USP37: variants seen among roughly 807,000 people sequenced by gnomAD.
USP37 encodes the protein ubiquitin specific peptidase 37, also known as ubiquitin carboxyl-terminal hydrolase 37.
Under a neutral mutation model 124.0 loss-of-function variants are expected in USP37, and 27 were observed. The observed-to-expected ratio is 0.22, with a 90% confidence interval of 0.16 to 0.30. The LOEUF is 0.30. Among genes scored for constraint, USP37 ranks in the 10% least tolerant of loss-of-function variants. The pLI, the probability that USP37 is intolerant of heterozygous loss-of-function variation, is 1.00. For synonymous variants in USP37, 365 were observed against 388.0 expected (o/e 0.94, Z 0.70); for missense variants, 889 against 1,140.4 (o/e 0.78, Z 3.17).
intron 10 of USP37, among the ~76,000 whole-genome samples, chr2:218,522,901 G>A (rs931366655): frequency 6.6e-6 from 1 of 152,184 alleles, no homozygotes; most frequent in African/African-American, 2.4e-5. Flanking sequence ...CACTTTGGGA[G>A]GTCAAGGCGG....
At chr2:218,458,268 A>AC (rs1199180402) in intron 23 of USP37, among the ~76,000 whole-genome samples, 2 of 149,666 alleles carry the variant, frequency 1.3e-5, no homozygotes, top group African/African-American at 4.9e-5. Context: ...AAAAAAAAAA[A>AC]AAAAAAAACA....
At chr2:218,568,123 G>A (rs1304347328) in intron 1 of USP37, 55 bp downstream of exon 1, 1 of 152,500 alleles carries the variant, frequency 6.6e-6, no homozygotes, top group Non-Finnish European at 1.5e-5. Context: ...TCGCACAGAA[G>A]GAGGAGGAGG....
At chr2:218,455,764 G>A (rs779476310) in intron 24 of USP37, 46 bp from the exon 25 acceptor site, 16 of 1,592,062 alleles carry the variant, frequency 1.0e-5, no homozygotes, top group Middle Eastern at 1.7e-4. Flanking sequence ...AAAACACACC[G>A]AAGCTGGGCG....
At chr2:218,478,420 A>C (rs1691087050) in intron 18 of USP37, among the ~76,000 whole-genome samples, 1 of 152,210 alleles carries the variant, frequency 6.6e-6, no homozygotes, top group Admixed American at 6.5e-5. Context: ...CCTGGCTACC[A>C]TTGCACCAGG....
chr2:218,526,287 A>C (rs1690959593), intron 10 of USP37, among the ~76,000 whole-genome samples: 1 of 151,976 alleles, frequency 6.6e-6, no homozygotes, highest in Non-Finnish European at 1.5e-5. Context: ...GTTAGAGTGC[A>C]GTGGTGCAAT....
intron 16 of USP37, 144 bp from the exon 17 acceptor site, chr2:218,482,378 C>T (rs1283421465): frequency 1.1e-4 from 90 of 816,338 alleles, no homozygotes; most frequent in Non-Finnish European, 1.8e-5. Context: ...AGAATATTTA[C>T]TGAATACCTG....
rs1159382737 is a variant in USP37, at chr2:218,450,270, A to T, written c.*4660T>A. The T allele has an allele frequency of 6.6e-6, 1 of 152,352 alleles. No individual in the cohort carries two copies. The highest frequency in any genetic ancestry group is 1.5e-5 in the Non-Finnish European group (1 of 68,044). 9.4% of individuals were successfully genotyped at this position (152,352 alleles called of 1,614,324 possible). On this transcript the variant is annotated 3_prime_UTR_variant, in exon 26 of 26. Transcript: ENST00000258399. The stretch of plus-strand genomic sequence containing the variant: ...ATCAAAGAAGGTTAATAAAGGCTTT[A>T]ATTTCATACACACAAAAAAACTCTA...
chr2:218,496,316 CAACAAAAAACAAAACA>C (rs1681986029), intron 13 of USP37, among the ~76,000 whole-genome samples: 1 of 139,820 alleles, frequency 7.2e-6, no homozygotes, highest in Non-Finnish European at 1.5e-5. Context: ...AAAAAACCAA[CAACAAAAAACAAAACA>C]AACAAAAAAT....
At chr2:218,563,021 G>A (rs949707033) in intron 1 of USP37, among the ~76,000 whole-genome samples, 4 of 151,936 alleles carry the variant, frequency 2.6e-5, no homozygotes, top group African/African-American at 9.7e-5. Context: ...AAATTAGCTG[G>A]GCGTGGCAGT....
chr2:218,515,789 A>G (rs1690244442), intron 10 of USP37, among the ~76,000 whole-genome samples: 9 of 152,198 alleles, frequency 5.9e-5, no homozygotes, highest in Admixed American at 5.9e-4. Context: ...AATTTTTGCA[A>G]TCTATCCATC....
rs1466020212 is a variant in USP37, at chr2:218,479,697, G to A, written c.1854C>T (p.Ala618=). Residue 618 remains alanine (A), a synonymous_variant, in exon 18 of 26, where the codon GCC becomes GCT. Transcript: ENST00000258399. The part of the protein sequence containing the change: ...AHMAISRPLK[A]SQMVNSCITS... ...TGATGCAGGAATTCACCATTTGAGA[G>A]GCTTTCAATGGTCTAGAACTATCAG... 6.2e-7 allele frequency: 1 copy of A among 1,611,124 alleles called. No homozygotes were observed. Among genetic ancestry groups the A allele is most frequent in the Admixed American group, 1.7e-5 (1 of 59,786 alleles).
chr2:218,516,543 G>A (rs1180755836), intron 10 of USP37, among the ~76,000 whole-genome samples: 3 of 151,436 alleles, frequency 2.0e-5, no homozygotes, highest in Non-Finnish European at 2.9e-5. Context: ...CCTGTCAGGG[G>A]ATGGGGGGCA....
chr2:218,538,975 T>C (rs2106034363), intron 8 of USP37, among the ~76,000 whole-genome samples: 2 of 146,688 alleles, frequency 1.4e-5, no homozygotes, highest in Middle Eastern at 3.4e-3. Flanking sequence ...CTTTATTTTA[T>C]TTTTATTTTT....
chr2:218,469,727 T>C lies in USP37; in HGVS notation c.2300-3551A>G, dbSNP rs567521630. Among the ~76,000 whole-genome samples the C allele has an allele frequency of 1.5e-4, 22 of 151,580 alleles. No individual in the cohort carries two copies. In the South Asian group the frequency reaches 4.4e-3, roughly 30 times the overall value. On this transcript the variant is annotated intron_variant, in intron 20 of 25. Coordinates refer to ENST00000258399, the MANE Select transcript of USP37 (RefSeq NM_020935.3). The stretch of plus-strand genomic sequence containing the variant: ...GATACAGAACGTATTTAAAAATCTA[T>C]GGGGACAAACATGGCCATGAAATAA...
At chr2:218,480,234 TA>T (rs750876870) in intron 17 of USP37, among the ~76,000 whole-genome samples, 2 of 150,190 alleles carry the variant, frequency 1.3e-5, no homozygotes, top group Non-Finnish European at 3.0e-5. Flanking sequence ...CCGTTTCTAC[TA>T]AAAAAATACA....
chr2:218,499,198 C>T (rs903710080), intron 11 of USP37, among the ~76,000 whole-genome samples: 2 of 152,076 alleles, frequency 1.3e-5, no homozygotes, highest in Non-Finnish European at 2.9e-5. Context: ...TGCTTGAACC[C>T]GGGAGGCGGA....
chr2:218,454,632 CTG>C lies in USP37; in HGVS notation c.*296_*297del, dbSNP rs1177895377. Reference sequence around the variant, plus strand: ...TCATCCCGTGTGTGTGTGTGTGTGTCTGTGTGTGTGTATACACACATACACAG... The same window carrying C: ...TCATCCCGTGTGTGTGTGTGTGTGTCTGTGTGTGTATACACACATACACAG... On this transcript the variant is annotated 3_prime_UTR_variant, in exon 26 of 26. Coordinates refer to ENST00000258399, the MANE Select transcript of USP37 (RefSeq NM_020935.3). The C allele has an allele frequency of 1.8e-4, 49 of 268,918 alleles. No individual in the cohort carries two copies. Among genetic ancestry groups the C allele is most frequent in the South Asian group, 4.2e-4 (6 of 14,132 alleles). The allele number at this position is 268,918 out of a possible 1,614,324, so 16.7% of individuals were successfully genotyped here.
At chr2:218,525,120 T>C (rs909645957) in intron 10 of USP37, among the ~76,000 whole-genome samples, 5 of 152,232 alleles carry the variant, frequency 3.3e-5, no homozygotes, top group African/African-American at 1.2e-4. Context: ...TGATTTTTCT[T>C]ATCACTCCTT....
rs116967723 is a variant in USP37 at position 218,462,338 on chromosome 2, A to T, written c.2527+968T>A. On this transcript the variant is annotated intron_variant, in intron 22 of 25. Transcript: ENST00000258399. Reference sequence around the variant, plus strand: ...GGCAACAGAGCATGACCCTGTCTCCAAAAAAATGAAGACATGGAAGAACCA... The same window carrying T: ...GGCAACAGAGCATGACCCTGTCTCCTAAAAAATGAAGACATGGAAGAACCA... Among the ~76,000 whole-genome samples, 166 of 152,194 alleles carry T rather than the reference A, an allele frequency of 1.1e-3. 1 individual carries two copies. In the East Asian group the frequency reaches 0.031, roughly 28 times the overall value.
Sources: gnomAD v4.1 joint callset for allele counts (sites outside exome capture counted in the v4.1 genomes callset) on GRCh38, gnomAD v4.1.1 for gene constraint, MANE v1.5 for transcripts, NCBI Gene and HGNC (gene_info 2026-07-23, HGNC 2026-07-21) for gene names.